Variants in DEPDC5 observed in about 807,000 individuals in gnomAD.
DEPDC5 encodes DEP domain containing 5, GATOR1 subcomplex subunit.
In DEPDC5, 73 loss-of-function variants were observed where a neutral mutation model predicts 217.3. That is an observed-to-expected ratio of 0.34 (90% CI 0.28 to 0.41). The LOEUF is 0.41. Ranked by LOEUF, DEPDC5 falls within the 10% of genes least tolerant of loss-of-function variation. The pLI is 1.00. For missense variants in DEPDC5, 1,675 were observed against 2,070.1 expected, an observed-to-expected ratio of 0.81 and a Z score of 3.70; for synonymous variants, 733 against 756.7, an observed-to-expected ratio of 0.97 and a Z score of 0.51.
intron 31 of DEPDC5, among the ~76,000 whole-genome samples, chr22:31,854,757 G>A (rs1272246977): frequency 1.3e-5 from 2 of 152,132 alleles, no homozygotes; most frequent in African/African-American, 4.8e-5. Context: ...TTCTCAGGAA[G>A]TACAGGGCAC....
Position 31,906,570 on chromosome 22 carries a change from C to T in DEPDC5, c.*73C>T. ...CAAACCCGGGGCGGAGGATTCCAGGCAGGCTCTAGGAGTCAGGTGTCCGTT... is the reference window on the plus strand; with the variant it reads ...CAAACCCGGGGCGGAGGATTCCAGGTAGGCTCTAGGAGTCAGGTGTCCGTT... On this transcript the variant is annotated 3_prime_UTR_variant, in exon 43 of 43. Coordinates refer to ENST00000651528, the MANE Select transcript of DEPDC5 (RefSeq NM_001242896.3). The surrounding 1 kb of genome is among the most constrained non-coding windows in gnomAD (Gnocchi z 5.1). 2 of 1,565,930 alleles carry T rather than the reference C, an allele frequency of 1.3e-6. No individual in the cohort carries two copies. The highest frequency in any genetic ancestry group is 1.2e-5 in the South Asian group (1 of 84,762).
intron 20 of DEPDC5, among the ~76,000 whole-genome samples, chr22:31,813,673 A>T (rs550805446): frequency 6.9e-6 from 1 of 144,100 alleles, no homozygotes; most frequent in Non-Finnish European, 1.5e-5. Flanking sequence ...TTATGTTTTA[A>T]TAAGGCTATA....
intron 38 of DEPDC5, among the ~76,000 whole-genome samples, chr22:31,887,699 A>G (rs1308497326): frequency 1.3e-5 from 2 of 152,192 alleles, no homozygotes; most frequent in Non-Finnish European, 2.9e-5. Flanking sequence ...TCTTCCCAAA[A>G]GAAATGGGTT....
rs1446470501 is a variant in DEPDC5 at position 31,792,119 on chromosome 22, C to G, written c.694+17C>G. 6.3e-7 allele frequency: 1 copy of G among 1,580,646 alleles called. No individual in the cohort carries two copies. The highest frequency in any genetic ancestry group is 8.7e-7 in the Non-Finnish European group (1 of 1,151,824). ...AATCTGTTGGTGAGTAACTATTTCTCTCCTACAGTTATGTTTTTGTTAAGC... is the reference window on the plus strand; with the variant it reads ...AATCTGTTGGTGAGTAACTATTTCTGTCCTACAGTTATGTTTTTGTTAAGC... On this transcript the variant is annotated intron_variant, in intron 11 of 42. Transcript: ENST00000651528.
chr22:31,786,424 TAAAAAA>T (rs138288), intron 10 of DEPDC5, among the ~76,000 whole-genome samples: 2 of 80,144 alleles, frequency 2.5e-5, no homozygotes, highest in Non-Finnish European at 5.1e-5. Context: ...ATGTGGTAGC[TAAAAAA>T]AAAAAAAAAA....
intron 18 of DEPDC5, among the ~76,000 whole-genome samples, chr22:31,806,862 A>G (rs535958091): frequency 6.6e-6 from 1 of 152,284 alleles, no homozygotes; most frequent in East Asian, 1.9e-4. Flanking sequence ...CTAAAAAAGA[A>G]TTAGCCAGGT....
At chr22:31,836,756 T>C (rs1043117840) in intron 25 of DEPDC5, 3 of 514,090 alleles carry the variant, frequency 5.8e-6, no homozygotes. Flanking sequence ...ATTTGCATGA[T>C]GGGATTGGAT....
In DEPDC5 at chr22:31,780,575, A is replaced by T. The variant is rs529125979; in HGVS notation, c.483+2407A>T. Reference sequence around the variant, plus strand: ...CTCTCTTGCCACCATGTCTTCGCACATGCTGCCCTCTGTATCCTAGGGTGC... The same window carrying T: ...CTCTCTTGCCACCATGTCTTCGCACTTGCTGCCCTCTGTATCCTAGGGTGC... On this transcript the variant is annotated intron_variant, in intron 8 of 42. Coordinates refer to ENST00000651528, the MANE Select transcript of DEPDC5 (RefSeq NM_001242896.3). Among the ~76,000 whole-genome samples, 43 of 152,242 alleles carry T rather than the reference A, an allele frequency of 2.8e-4. No homozygotes were observed. In the South Asian group the frequency reaches 8.7e-3, roughly 31 times the overall value.
intron 10 of DEPDC5, among the ~76,000 whole-genome samples, chr22:31,787,824 A>G (rs1467996989): frequency 6.6e-6 from 1 of 151,636 alleles, no homozygotes; most frequent in Non-Finnish European, 1.5e-5. Context: ...TAAAAAAAAA[A>G]AAAAAAGAAG....
At chr22:31,904,840 A>AT (rs2093728706) in intron 41 of DEPDC5, among the ~76,000 whole-genome samples, 1 of 152,216 alleles carries the variant, frequency 6.6e-6, no homozygotes, top group African/African-American at 2.4e-5. Context: ...TTTAGTTTGC[A>AT]TATTTGACTT....
chr22:31,792,099 G>T lies in DEPDC5; in HGVS notation c.691G>T (p.Val231Phe). The T allele has an allele frequency of 1.9e-6, 3 of 1,606,504 alleles. No homozygotes were observed. Among genetic ancestry groups the T allele is most frequent in the Non-Finnish European group, 2.6e-6 (3 of 1,173,988 alleles). The change falls in exon 11 of 43, where the codon GTT (valine) becomes TTT (phenylalanine). Residue 231 changes from valine to phenylalanine, a missense_variant. Transcript: ENST00000651528. ...FSRTFYDAKS[V>F]DEFPEINRAS... ...TAGAACTTTCTATGATGCAAAATCT[G>T]TTGGTGAGTAACTATTTCTCTCCTA...
chr22:31,879,043 A>AATATAT (rs1555918454), intron 37 of DEPDC5, among the ~76,000 whole-genome samples: 79 of 119,440 alleles, frequency 6.6e-4, no homozygotes, highest in Admixed American at 3.6e-3. Context: ...AAAAAAAAAA[A>AATATAT]ATATATATAT....
chr22:31,809,066 C>A (rs2087925016), intron 18 of DEPDC5, among the ~76,000 whole-genome samples: 1 of 152,074 alleles, frequency 6.6e-6, no homozygotes, highest in Non-Finnish European at 1.5e-5. Flanking sequence ...CTGTGCCTGG[C>A]CTTTATTTAT....
At chr22:31,776,471 C>T (rs569900380) in intron 7 of DEPDC5, among the ~76,000 whole-genome samples, 8 of 151,780 alleles carry the variant, frequency 5.3e-5, no homozygotes, top group South Asian at 4.2e-4. Flanking sequence ...TGGCCATTCA[C>T]GTAGTAAGTG....
chr22:31,807,192 A>G (rs1044807401), intron 18 of DEPDC5, among the ~76,000 whole-genome samples: 8 of 152,184 alleles, frequency 5.3e-5, no homozygotes, highest in Non-Finnish European at 1.0e-4. Context: ...CATTTCAGCC[A>G]TGTGTATTGA....
Position 31,815,038 on chromosome 22 carries a change from T to C in DEPDC5, c.1492T>C (p.Cys498Arg). The C allele has an allele frequency of 1.2e-6, 2 of 1,614,178 alleles. No individual in the cohort carries two copies. The highest frequency in any genetic ancestry group is 1.7e-6 in the Non-Finnish European group (2 of 1,180,016). Residue 498 changes from cysteine to arginine, a missense_variant, in exon 21 of 43, where the codon TGT (cysteine) becomes CGT (arginine). Around this residue, in one of 11 missense-constraint regions of DEPDC5, gnomAD observed 628 missense variants for 762.1 expected, o/e 0.82. Coordinates refer to ENST00000651528, the MANE Select transcript of DEPDC5 (RefSeq NM_001242896.3). The stretch of plus-strand genomic sequence containing the variant: ...TCACAGTCGAAAGAGTGCCAGCTCC[T>C]GTGATGTTTCATCCAGCCCTTCCCT... ...ESHSRKSASS[C>R]DVSSSPSLPS...
rs376745741 is a variant in DEPDC5, at chr22:31,878,493, C to T, written c.3806-1032C>T. Among the ~76,000 whole-genome samples the T allele has an allele frequency of 1.8e-4, 27 of 150,908 alleles. No homozygotes were observed. In the East Asian group the frequency reaches 4.0e-3, roughly 22 times the overall value. ...CTGAGGTATGAGGATCTCTTGAGGCCAGGAGTTTAAGATCAGCCTGGGCAA... is the reference window on the plus strand; with the variant it reads ...CTGAGGTATGAGGATCTCTTGAGGCTAGGAGTTTAAGATCAGCCTGGGCAA... On this transcript the variant is annotated intron_variant, in intron 37 of 42. Coordinates refer to ENST00000651528, the MANE Select transcript of DEPDC5 (RefSeq NM_001242896.3).
chr22:31,812,420 CTTTTTTTT>C lies in DEPDC5; in HGVS notation c.1445+1794_1445+1801del, dbSNP rs57618137. Among the ~76,000 whole-genome samples, 12 of 98,282 alleles carry C rather than the reference CTTTTTTTT, an allele frequency of 1.2e-4. No individual in the cohort carries two copies. The South Asian group carries it at 2.5e-3, about 20-fold the overall frequency. 64.5% of individuals were successfully genotyped at this position (98,282 alleles called of 152,430 possible). On this transcript the variant is annotated intron_variant, in intron 20 of 42. Coordinates refer to ENST00000651528, the MANE Select transcript of DEPDC5 (RefSeq NM_001242896.3). The stretch of plus-strand genomic sequence containing the variant: ...TACTGTGAATCAATTTTCCATATTT[CTTTTTTTT>C]TTTTTTTTTTTTTTGAGACAGAGTC...
intron 31 of DEPDC5, among the ~76,000 whole-genome samples, chr22:31,855,438 G>A (rs918624031): frequency 6.7e-6 from 1 of 149,952 alleles, no homozygotes; most frequent in Non-Finnish European, 1.5e-5. Context: ...GTGCAGTGGC[G>A]CGATATCGGC....
Sources: allele counts gnomAD v4.1 joint callset (sites outside exome capture counted in the v4.1 genomes callset), GRCh38; gene constraint gnomAD v4.1.1; regional missense constraint gnomAD v4.1.1; non-coding constraint Gnocchi (gnomAD v3.1); transcripts MANE v1.5; gene names NCBI Gene and HGNC (gene_info 2026-07-23, HGNC 2026-07-21).